Variants in AFF2 observed in about 807,000 individuals in gnomAD.
AFF2 encodes AF4/FMR2 family member 2.
Under a neutral mutation model 76.9 loss-of-function variants are expected in AFF2, and 14 were observed. The ratio of observed to expected loss-of-function variants is 0.18; its 90% CI spans 0.12 to 0.28. The LOEUF is 0.28. Ranked by LOEUF, AFF2 falls within the 10% of genes least tolerant of loss-of-function variation. AFF2 has a pLI of 1.00. For synonymous variants in AFF2, 398 were observed against 366.7 expected (o/e 1.09, Z -0.98); for missense variants, 868 against 1,001.1 (o/e 0.87, Z 1.79).
intron 3 of AFF2, among the ~76,000 whole-genome samples, chrX:148,701,011 A>ACTGT (rs10675199): frequency 1.6e-5 from 1 of 61,168 alleles, no homozygotes; most frequent in Non-Finnish European, 3.2e-5. Context: ...AGAGAGAGAG[A>ACTGT]ATGTGTGTGT....
chrX:148,760,644 C>A (rs1035456008), intron 3 of AFF2, among the ~76,000 whole-genome samples: 28 of 111,583 alleles, frequency 2.5e-4, no homozygotes, highest in African/African-American at 8.5e-4. Flanking sequence ...TGAGGAGAAG[C>A]AAAATCAGTG....
chrX:148,716,292 T>C (rs984329607), intron 3 of AFF2, among the ~76,000 whole-genome samples: 6 of 111,548 alleles, frequency 5.4e-5, no homozygotes, highest in African/African-American at 1.6e-4. Flanking sequence ...GTTTTTTGGC[T>C]GTTGGAAACA....
At chrX:148,610,870 C>T (rs188848681) in intron 1 of AFF2, among the ~76,000 whole-genome samples, 1 of 111,572 alleles carries the variant, frequency 9.0e-6, no homozygotes, top group Non-Finnish European at 1.9e-5. Flanking sequence ...TATTTTATTT[C>T]TCTATATAGG....
At chrX:148,517,169 G>A in intron 1 of AFF2, among the ~76,000 whole-genome samples, 1 of 111,528 alleles carries the variant, frequency 9.0e-6, no homozygotes, top group Middle Eastern at 4.6e-3. Context: ...AACAAGCAGT[G>A]GGAAAAAGTC....
At chrX:148,707,544 T>C (rs1180316879) in intron 3 of AFF2, among the ~76,000 whole-genome samples, 1 of 110,106 alleles carries the variant, frequency 9.1e-6, no homozygotes, top group Non-Finnish European at 1.9e-5. Flanking sequence ...GTGGTTTACA[T>C]TGAGTATCTC....
chrX:148,520,799 A>T (rs1263501212), intron 1 of AFF2, among the ~76,000 whole-genome samples: 2 of 112,631 alleles, frequency 1.8e-5, no homozygotes, highest in Non-Finnish European at 3.8e-5. Context: ...TTTCTAAAAA[A>T]AATATTAAGG....
chrX:148,786,860 C>T (rs1379440952), intron 3 of AFF2, among the ~76,000 whole-genome samples: 1 of 111,536 alleles, frequency 9.0e-6, no homozygotes, highest in South Asian at 3.8e-4. Context: ...AAGCAATGGG[C>T]CTGATGTGGT....
At chrX:148,563,448 G>A (rs1463625284) in intron 1 of AFF2, among the ~76,000 whole-genome samples, 1 of 111,586 alleles carries the variant, frequency 9.0e-6, no homozygotes, top group Non-Finnish European at 1.9e-5. Flanking sequence ...CATGGAAGGA[G>A]AGAGAGGTTG....
intron 4 of AFF2, among the ~76,000 whole-genome samples, chrX:148,826,970 C>T (rs971560878): frequency 4.5e-5 from 5 of 110,174 alleles, no homozygotes; most frequent in Non-Finnish European, 1.9e-5. Flanking sequence ...GGATGGGGGG[C>T]GGGAGAGAGG....
At chrX:148,663,310 C>G (rs1239132489) in intron 3 of AFF2, among the ~76,000 whole-genome samples, 4 of 112,193 alleles carry the variant, frequency 3.6e-5, no homozygotes, top group African/African-American at 1.3e-4. Context: ...TTAATGTTTT[C>G]TCCCGTATCC....
chrX:148,617,802 T>C (rs1423341827), intron 1 of AFF2, among the ~76,000 whole-genome samples: 7 of 112,136 alleles, frequency 6.2e-5, no homozygotes, highest in African/African-American at 2.3e-4. Flanking sequence ...CGTGTAATAT[T>C]TGGTTACTAA....
intron 3 of AFF2, among the ~76,000 whole-genome samples, chrX:148,664,240 C>A (rs1223840852): frequency 6.2e-5 from 7 of 112,262 alleles, no homozygotes; most frequent in Admixed American, 5.6e-4. Flanking sequence ...ATTTCTTAGT[C>A]ACACATACAA....
At chrX:148,869,766 T>C (rs908268291) in intron 7 of AFF2, among the ~76,000 whole-genome samples, 2 of 111,690 alleles carry the variant, frequency 1.8e-5, no homozygotes, top group Non-Finnish European at 3.8e-5. Context: ...TAACAAGGAG[T>C]TGGTTCCTTC....
intron 1 of AFF2, among the ~76,000 whole-genome samples, chrX:148,552,537 A>G (rs1175326244): frequency 1.8e-5 from 2 of 112,022 alleles, no homozygotes; most frequent in African/African-American, 3.2e-5. Flanking sequence ...ACATGTGTGC[A>G]TTTGCCAGGG....
intron 16 of AFF2, among the ~76,000 whole-genome samples, chrX:148,974,735 C>A (rs1557289999): frequency 8.9e-6 from 1 of 112,148 alleles, no homozygotes; most frequent in African/African-American, 3.2e-5. Context: ...AGCCAATCAG[C>A]CATCTTTCTC....
intron 3 of AFF2, among the ~76,000 whole-genome samples, chrX:148,731,556 G>C (rs1557264668): frequency 1.8e-5 from 2 of 111,697 alleles, no homozygotes; most frequent in Non-Finnish European, 3.8e-5. Flanking sequence ...ACTGGATACA[G>C]AGTCAAAAGG....
chrX:148,780,901 G>T (rs186874877), intron 3 of AFF2, among the ~76,000 whole-genome samples: 1 of 112,141 alleles, frequency 8.9e-6, no homozygotes, highest in African/African-American at 3.2e-5. Flanking sequence ...TCTACCTTCA[G>T]TCTTTGCTGT....
chrX:148,694,192 A>G (rs2054687780), intron 3 of AFF2, among the ~76,000 whole-genome samples: 1 of 107,034 alleles, frequency 9.3e-6, no homozygotes, highest in Non-Finnish European at 1.9e-5. Flanking sequence ...GGGGAGGGAT[A>G]GCATTGGGAG....
At chrX:148,908,822 A>C (rs2124222075) in intron 9 of AFF2, among the ~76,000 whole-genome samples, 1 of 112,498 alleles carries the variant, frequency 8.9e-6, no homozygotes, top group South Asian at 3.7e-4. Flanking sequence ...TATGAAATTC[A>C]AATTTCAGTA....
Sources: gnomAD v4.1 joint callset for allele counts (sites outside exome capture counted in the v4.1 genomes callset) on GRCh38, gnomAD v4.1.1 for gene constraint, MANE v1.5 for transcripts, NCBI Gene and HGNC (gene_info 2026-07-23, HGNC 2026-07-21) for gene names.